Variants in KCNAB1 observed in about 807,000 individuals in gnomAD.
KCNAB1 encodes potassium voltage-gated channel subfamily A regulatory beta subunit 1.
Under a neutral mutation model 64.6 loss-of-function variants are expected in KCNAB1, and 35 were observed. That is an observed-to-expected ratio of 0.54 (90% CI 0.41 to 0.72). The LOEUF is 0.72. Ranked by LOEUF, KCNAB1 falls within the 30% of genes least tolerant of loss-of-function variation. The probability of loss-of-function intolerance (pLI) is 0.00; values close to 1 mark genes in which losing one functional copy is unlikely to be tolerated. For synonymous variants in KCNAB1, 177 were observed against 183.8 expected (o/e 0.96, Z 0.30); for missense variants, 401 against 512.9 (o/e 0.78, Z 2.11).
intron 1 of KCNAB1, among the ~76,000 whole-genome samples, chr3:156,145,349 C>A (rs1407739594): frequency 2.0e-5 from 3 of 152,182 alleles, no homozygotes; most frequent in Non-Finnish European, 2.9e-5. Flanking sequence ...TCCCCAATGT[C>A]CTTAGTGCTC....
At chr3:156,371,597 A>G (rs1418683151) in intron 1 of KCNAB1, among the ~76,000 whole-genome samples, 1 of 152,190 alleles carries the variant, frequency 6.6e-6, no homozygotes, top group Non-Finnish European at 1.5e-5. Context: ...AATTACAGAA[A>G]TGCAATCTTA....
chr3:156,409,030 T>C (rs983284624), intron 1 of KCNAB1, among the ~76,000 whole-genome samples: 1 of 152,116 alleles, frequency 6.6e-6, no homozygotes, highest in African/African-American at 2.4e-5. Flanking sequence ...GTAATTGGAG[T>C]TGTGACTCCA....
chr3:156,182,713 T>TTA (rs397793563), intron 1 of KCNAB1, among the ~76,000 whole-genome samples: 9 of 150,892 alleles, frequency 6.0e-5, no homozygotes, highest in East Asian at 3.9e-4. Flanking sequence ...TTTTTTTTTT[T>TTA]ATTTTGCGGA....
intron 1 of KCNAB1, among the ~76,000 whole-genome samples, chr3:156,323,111 A>G (rs1722772748): frequency 6.6e-6 from 1 of 152,128 alleles, no homozygotes; most frequent in Non-Finnish European, 1.5e-5. Context: ...TTGTGGATTT[A>G]CCTTCTATTA....
intron 2 of KCNAB1, among the ~76,000 whole-genome samples, chr3:156,443,814 C>T (rs1717199530): frequency 6.6e-6 from 1 of 151,872 alleles, no homozygotes. Context: ...ATGCTGCTTG[C>T]ACTTCACCTG....
chr3:156,277,982 C>T (rs1447218858), intron 1 of KCNAB1, among the ~76,000 whole-genome samples: 3 of 152,074 alleles, frequency 2.0e-5, no homozygotes, highest in Non-Finnish European at 4.4e-5. Flanking sequence ...TTCATTTTAC[C>T]TGTGATGAAA....
intron 8 of KCNAB1, among the ~76,000 whole-genome samples, chr3:156,476,652 G>T (rs1714386667): frequency 1.3e-5 from 2 of 151,886 alleles, no homozygotes; most frequent in African/African-American, 4.8e-5. Context: ...CATTTGGGTT[G>T]GTTCCATGAT....
chr3:156,408,498 G>A (rs1174197979), intron 1 of KCNAB1, among the ~76,000 whole-genome samples: 2 of 152,200 alleles, frequency 1.3e-5, no homozygotes, highest in East Asian at 1.9e-4. Context: ...GCACCTAGAG[G>A]GCCGGGCGCA....
chr3:156,499,935 C>A (rs1176458693), intron 8 of KCNAB1, among the ~76,000 whole-genome samples: 1 of 152,090 alleles, frequency 6.6e-6, no homozygotes, highest in African/African-American at 2.4e-5. Context: ...GCTTGTCTAC[C>A]CAGCAGCCAC....
intron 1 of KCNAB1, among the ~76,000 whole-genome samples, chr3:156,414,891 T>C (rs1181115446): frequency 6.6e-6 from 1 of 152,208 alleles, no homozygotes; most frequent in Non-Finnish European, 1.5e-5. Flanking sequence ...TACAACTTTA[T>C]GTCACAGCTC....
At chr3:156,400,599 C>T (rs962841384) in intron 1 of KCNAB1, among the ~76,000 whole-genome samples, 4 of 152,186 alleles carry the variant, frequency 2.6e-5, no homozygotes, top group Non-Finnish European at 5.9e-5. Flanking sequence ...CACTCTAGTT[C>T]TAATAGATTT....
intron 2 of KCNAB1, among the ~76,000 whole-genome samples, chr3:156,440,131 G>A (rs1357433): frequency 0.66 from 100,845 of 152,146 alleles, 33,748 homozygotes; most frequent in East Asian, 0.76. Flanking sequence ...GCCAGGTTTT[G>A]TATAGTCTCT....
At chr3:156,361,194 C>T (rs747653750) in intron 1 of KCNAB1, among the ~76,000 whole-genome samples, 3 of 152,252 alleles carry the variant, frequency 2.0e-5, no homozygotes, top group South Asian at 4.1e-4. Flanking sequence ...CACCATCCCC[C>T]GGGATGTTCC....
chr3:156,136,665 C>T (rs60975792), intron 1 of KCNAB1, among the ~76,000 whole-genome samples: 8,673 of 152,338 alleles, frequency 0.057, 314 homozygotes, highest in East Asian at 0.15. Context: ...CCTACCTCTC[C>T]TCCAAAGTAG....
At chr3:156,405,589 C>T (rs909991000) in intron 1 of KCNAB1, among the ~76,000 whole-genome samples, 3 of 152,130 alleles carry the variant, frequency 2.0e-5, no homozygotes. Context: ...ATTTTACCAC[C>T]TAGATGGACA....
At chr3:156,395,040 T>TC (rs1219246933) in intron 1 of KCNAB1, among the ~76,000 whole-genome samples, 2 of 152,214 alleles carry the variant, frequency 1.3e-5, no homozygotes, top group African/African-American at 2.4e-5. Context: ...AAGTAGAGCT[T>TC]CCCTAAATTA....
chr3:156,427,110 G>T lies in KCNAB1; in HGVS notation c.319+5451G>T, dbSNP rs201818287. Among the ~76,000 whole-genome samples, 17 of 152,266 alleles carry T rather than the reference G, an allele frequency of 1.1e-4. No individual in the cohort carries two copies. The East Asian group carries it at 3.3e-3, about 29-fold the overall frequency. ...GTGATCTCTGGATACAGAATAGGAG[G>T]TCTTCCTGAGTGCAGGAAGATGCCC... is the stretch of plus-strand genomic sequence containing the variant. On this transcript the variant is annotated intron_variant, in intron 2 of 13. Transcript: ENST00000490337.
chr3:156,389,012 A>C (rs1198081608), intron 1 of KCNAB1, among the ~76,000 whole-genome samples: 1 of 152,216 alleles, frequency 6.6e-6, no homozygotes, highest in Non-Finnish European at 1.5e-5. Context: ...CCCTCCCACC[A>C]GATGTTTCAC....
At chr3:156,206,346 C>T (rs748559210) in intron 1 of KCNAB1, among the ~76,000 whole-genome samples, 3 of 152,172 alleles carry the variant, frequency 2.0e-5, no homozygotes, top group East Asian at 1.9e-4. Context: ...TTAGCATGAA[C>T]CCAAAACCAT....
Sources: allele counts gnomAD v4.1 joint callset (sites outside exome capture counted in the v4.1 genomes callset), GRCh38; gene constraint gnomAD v4.1.1; transcripts MANE v1.5; gene names NCBI Gene and HGNC (gene_info 2026-07-23, HGNC 2026-07-21).